The following EXOC3 variants were observed in gnomAD, a reference collection of about 807,000 sequenced individuals.
EXOC3 encodes SEC6-like 1.
A neutral mutation model predicts 73.7 loss-of-function variants in EXOC3; 21 were observed. The ratio of observed to expected loss-of-function variants is 0.29; its 90% CI spans 0.20 to 0.41. EXOC3 has a LOEUF of 0.41. Ranked by LOEUF, EXOC3 falls within the 10% of genes least tolerant of loss-of-function variation. EXOC3 has a pLI of 1.00. For synonymous variants in EXOC3, 410 were observed against 389.1 expected (o/e 1.05, Z -0.63); for missense variants, 842 against 985.1 (o/e 0.85, Z 1.95).
intron 12 of EXOC3, 69 bp from the exon 13 acceptor site, chr5:466,658 G>A: frequency 6.7e-7 from 1 of 1,493,416 alleles, no homozygotes; most frequent in African/African-American, 1.4e-5. Context: ...GTGAAGCCGT[G>A]AGTCCCTGGC....
intron 1 of EXOC3, among the ~76,000 whole-genome samples, 200 bp downstream of exon 1, chr5:443,490 G>A (rs976724648): frequency 6.6e-6 from 1 of 151,996 alleles, no homozygotes; most frequent in Non-Finnish European, 1.5e-5. Flanking sequence ...GTCCTCCCCG[G>A]CACATGTGTC....
intron 7 of EXOC3, among the ~76,000 whole-genome samples, chr5:460,519 C>G (rs546969416): frequency 5.3e-5 from 8 of 152,240 alleles, no homozygotes; most frequent in Non-Finnish European, 1.0e-4. Flanking sequence ...GGGTAATGCC[C>G]AAGTCCCCAC....
At chr5:464,243 G>A (rs745601602) in intron 9 of EXOC3, 47 bp from the exon 10 acceptor site, 8 of 1,594,118 alleles carry the variant, frequency 5.0e-6, no homozygotes, top group African/African-American at 2.7e-5. Flanking sequence ...CTCGGCTCTC[G>A]TGGGACGTTG....
At chr5:444,236 C>T (rs1737436805) in intron 1 of EXOC3, among the ~76,000 whole-genome samples, 1 of 152,260 alleles carries the variant, frequency 6.6e-6, no homozygotes, top group African/African-American at 2.4e-5. Context: ...CTGAGTTCCT[C>T]TTTGGCTTCT....
chr5:461,093 A>G (rs2126585035), intron 7 of EXOC3, among the ~76,000 whole-genome samples: 1 of 152,352 alleles, frequency 6.6e-6, no homozygotes, highest in South Asian at 2.1e-4. Context: ...ACAGTTTCTG[A>G]AAGGGACATT....
At chr5:454,793 G>A (rs1344210780) in intron 4 of EXOC3, among the ~76,000 whole-genome samples, 1 of 150,086 alleles carries the variant, frequency 6.7e-6, no homozygotes, top group Admixed American at 6.6e-5. Flanking sequence ...ATTAAGTAAT[G>A]TATTGGAATT....
rs2126578090 is a variant in EXOC3 at position 453,781 on chromosome 5, G to C, written c.776G>C (p.Arg259Thr). The change falls in exon 4 of 13, where the codon AGA becomes ACA. Residue 259 changes from arginine (R) to threonine (T), a missense_variant. By Grantham distance (71) the Arg-to-Thr change is moderately conservative (BLOSUM62 -1). Coordinates refer to ENST00000512944, the MANE Select transcript of EXOC3 (RefSeq NM_007277.5). The stretch of plus-strand genomic sequence containing the variant: ...ATCTTGGAGAGGACTGTGACCACCA[G>C]AATTGAGGGCACACAGGCAGATACC... The part of the protein sequence containing the change: ...FTILERTVTT[R>T]IEGTQADTRE... The C allele has an allele frequency of 1.9e-6, 3 of 1,613,996 alleles. No individual in the cohort carries two copies. In the East Asian group the frequency reaches 6.7e-5, roughly 36 times the overall value.
intron 7 of EXOC3, among the ~76,000 whole-genome samples, chr5:460,354 T>C (rs1229799862): frequency 2.0e-5 from 3 of 152,216 alleles, no homozygotes. Flanking sequence ...CCGAGCCAGA[T>C]GCTGGCTCTG....
At position 459,346 on chromosome 5, in the gene EXOC3, C is replaced by A. The variant is rs1737915721; in HGVS notation, c.1291-13C>A. The A allele has an allele frequency of 3.4e-6, 5 of 1,449,334 alleles. No individual in the cohort carries two copies. The highest frequency in any genetic ancestry group is 4.7e-6 in the Non-Finnish European group (5 of 1,056,310). The allele number at this position is 1,449,334 out of a possible 1,614,324, so 89.8% of individuals were successfully genotyped here. Reference sequence around the variant, plus strand: ...AAGATTATACCAGAATTCATAAGTTCTCTGATTTTTAGATGTTTGAACAGA... The same window carrying A: ...AAGATTATACCAGAATTCATAAGTTATCTGATTTTTAGATGTTTGAACAGA... On this transcript the variant is annotated splice_polypyrimidine_tract_variant and intron_variant, in intron 6 of 12. Transcript: ENST00000512944.
chr5:443,591 C>T (rs1737408826), intron 1 of EXOC3, among the ~76,000 whole-genome samples: 1 of 151,916 alleles, frequency 6.6e-6, no homozygotes, highest in East Asian at 1.9e-4. Flanking sequence ...GTGTCTTCCC[C>T]CACGCCCCAG....
rs1350874774 is a variant in EXOC3, at chr5:464,331, G to A, written c.1695G>A (p.Gly565=). The A allele has an allele frequency of 4.3e-6, 7 of 1,613,590 alleles. No homozygotes were observed. The highest frequency in any genetic ancestry group is 2.2e-5 in the South Asian group (2 of 91,072). ...TGATGACGAAGAAGTGGCTATTAGG[G>A]TCAAACGCTGTAGACATTATCTGTG... The part of the protein sequence containing the change: ...NELMTKKWLL[G]SNAVDIICVT... Residue 565 remains glycine (G), a synonymous_variant, in exon 10 of 13, where the codon GGG becomes GGA. Transcript: ENST00000512944.
At chr5:461,707 T>A in intron 7 of EXOC3, 1 of 478,040 alleles carries the variant, frequency 2.1e-6, no homozygotes, top group Non-Finnish European at 3.7e-6. Flanking sequence ...GCTCAGGTGG[T>A]CTCCCTGCCT....
intron 4 of EXOC3, among the ~76,000 whole-genome samples, chr5:455,959 T>C (rs1737797711): frequency 6.6e-6 from 1 of 152,246 alleles, no homozygotes; most frequent in Admixed American, 6.5e-5. Context: ...TTTCCTGTCT[T>C]CTGGACAGTA....
intron 7 of EXOC3, among the ~76,000 whole-genome samples, chr5:460,490 A>G (rs1737952748): frequency 6.6e-6 from 1 of 152,068 alleles, no homozygotes; most frequent in South Asian, 2.1e-4. Context: ...CAGAGTTCCC[A>G]TTTGCCATCC....
chr5:466,878 G>A lies in EXOC3; in HGVS notation c.2218G>A (p.Val740Met), dbSNP rs777493108. The change falls in exon 13 of 13, where the codon GTG becomes ATG. Residue 740 changes from valine to methionine, a missense_variant. Transcript: ENST00000512944. The stretch of plus-strand genomic sequence containing the variant: ...GGACATTGTGGTGCCCAGCCTGAAC[G>A]TGGCCAAGCTGCTCAAGTAGCCTCC... ...FKDIVVPSLN[V>M]AKLLK 25 of 1,609,332 alleles carry A rather than the reference G, an allele frequency of 1.6e-5. No homozygotes were observed. Among genetic ancestry groups the A allele is most frequent in the African/African-American group, 1.3e-4 (10 of 74,780 alleles).
chr5:464,999 G>A, intron 10 of EXOC3, 112 bp from the exon 11 acceptor site: 1 of 1,139,792 alleles, frequency 8.8e-7, no homozygotes, highest in Non-Finnish European at 1.2e-6. Flanking sequence ...GCGAGGAGGA[G>A]TGGGCTCAGA....
intron 2 of EXOC3, 81 bp downstream of exon 2, chr5:446,430 C>G: frequency 1.5e-6 from 2 of 1,358,594 alleles, no homozygotes; most frequent in Non-Finnish European, 2.0e-6. Context: ...TTTTGCTAAA[C>G]TAGCCTTTAT....
At position 443,226 on chromosome 5, in the gene EXOC3, CGGG is replaced by C. The variant is rs1361462278; in HGVS notation, c.-118_-116del. On this transcript the variant is annotated 5_prime_UTR_variant, in exon 1 of 13. Coordinates refer to ENST00000512944, the MANE Select transcript of EXOC3 (RefSeq NM_007277.5). ...GAGGCAGCGAAGGCGGAGGGGGCGG[CGGG>C]GGCGGCGGCGGCGGCGGCGGCGGCG... 2 of 84,154 alleles carry C rather than the reference CGGG, an allele frequency of 2.4e-5. No homozygotes were observed. The highest frequency in any genetic ancestry group is 7.4e-5 in the Non-Finnish European group (2 of 26,896). 5.2% of individuals were successfully genotyped at this position (84,154 alleles called of 1,614,324 possible). A position where few individuals can be genotyped will look rare whatever the true frequency, so the allele number is the denominator to read the frequency against.
chr5:446,178 G>A lies in EXOC3; in HGVS notation c.-28G>A. ...ACAGAGAACACCCCTAGCATGAACA[G>A]TGTGAGGATTCCACCAGCTTTTTCA... On this transcript the variant is annotated 5_prime_UTR_variant, in exon 2 of 13. It adds an upstream start codon to the 5' untranslated region. Coordinates refer to ENST00000512944, the MANE Select transcript of EXOC3 (RefSeq NM_007277.5). The A allele has an allele frequency of 6.2e-7, 1 of 1,613,794 alleles. No individual in the cohort carries two copies. Among genetic ancestry groups the A allele is most frequent in the African/African-American group, 1.3e-5 (1 of 75,048 alleles).
Sources: allele counts gnomAD v4.1 joint callset (sites outside exome capture counted in the v4.1 genomes callset), GRCh38; gene constraint gnomAD v4.1.1; transcripts MANE v1.5; gene names NCBI Gene and HGNC (gene_info 2026-07-23, HGNC 2026-07-21).